PRELID2: variants seen among roughly 807,000 people sequenced by gnomAD.
PRELID2 encodes the protein PRELI domain containing 2, also known as PRELI domain-containing protein 2.
In PRELID2, 25 loss-of-function variants were observed where a neutral mutation model predicts 28.4. That is an observed-to-expected ratio of 0.88 (90% CI 0.64 to 1.23). The LOEUF (loss-of-function observed/expected upper bound fraction) is 1.23. PRELID2 is among the 50% of genes most tolerant of loss of function. The pLI is 0.00. For synonymous variants in PRELID2, 76 were observed against 71.6 expected, an observed-to-expected ratio of 1.06 and a Z score of -0.31; for missense variants, 201 against 214.4, an observed-to-expected ratio of 0.94 and a Z score of 0.39.
the PRELID2 span, among the ~76,000 whole-genome samples, chr5:145,366,470 T>C: frequency 3.3e-5 from 5 of 151,896 alleles, no homozygotes; most frequent in Non-Finnish European, 7.4e-5. Context: ...ATAAGCTAAA[T>C]GACAGTCCAG....
chr5:145,310,682 T>C, the PRELID2 span, among the ~76,000 whole-genome samples: 1 of 152,198 alleles, frequency 6.6e-6, no homozygotes, highest in Non-Finnish European at 1.5e-5. Context: ...ATCTTTTTGG[T>C]ACATATCCTC....
chr5:145,417,421 C>A, the PRELID2 span, among the ~76,000 whole-genome samples: 16 of 152,158 alleles, frequency 1.1e-4, no homozygotes, highest in East Asian at 1.5e-3. Context: ...ATCCTGATAC[C>A]AAAACCTGGC....
intron 1 of PRELID2, among the ~76,000 whole-genome samples, chr5:145,601,448 G>T (rs1425919699): frequency 6.7e-6 from 1 of 149,546 alleles, no homozygotes; most frequent in South Asian, 2.1e-4. Flanking sequence ...ATGAAAGAAC[G>T]AACAGAAAAA....
intron 1 of PRELID2, among the ~76,000 whole-genome samples, chr5:145,608,825 G>A (rs1420629217): frequency 6.6e-6 from 1 of 152,154 alleles, no homozygotes; most frequent in Non-Finnish European, 1.5e-5. Context: ...ATGATATCCT[G>A]AAATATGTTT....
At chr5:145,768,351 T>C (rs1313379567) in intron 5 of PRELID2, among the ~76,000 whole-genome samples, 1 of 152,160 alleles carries the variant, frequency 6.6e-6, no homozygotes, top group Non-Finnish European at 1.5e-5. Flanking sequence ...TTCGTTCTTA[T>C]TCCCTTAACA....
chr5:145,744,049 T>C (rs1455698574), intron 1 of PRELID2, among the ~76,000 whole-genome samples: 1 of 152,208 alleles, frequency 6.6e-6, no homozygotes, highest in African/African-American at 2.4e-5. Flanking sequence ...ACACACCAGC[T>C]GTGGCAGACT....
the PRELID2 span, among the ~76,000 whole-genome samples, chr5:145,261,135 C>A: frequency 6.6e-6 from 1 of 152,142 alleles, no homozygotes; most frequent in South Asian, 2.1e-4. Context: ...GAGAACCACA[C>A]TCCCATCCCC....
intron 1 of PRELID2, among the ~76,000 whole-genome samples, chr5:145,661,897 T>C (rs1754502470): frequency 6.6e-6 from 1 of 151,986 alleles, no homozygotes. Context: ...GCCCTGGAGA[T>C]AATAAACATC....
chr5:145,713,657 T>TAA (rs1755765169), intron 1 of PRELID2, among the ~76,000 whole-genome samples: 4 of 96,428 alleles, frequency 4.1e-5, no homozygotes, highest in South Asian at 3.7e-4. Flanking sequence ...ATATATAAAG[T>TAA]ATATATAGTG....
the PRELID2 span, chr5:145,229,909 C>A: frequency 2.7e-6 from 2 of 749,734 alleles, no homozygotes; most frequent in Non-Finnish European, 2.5e-6. Context: ...GGCTGGGAGT[C>A]CCCACTGTCT....
chr5:145,755,398 T>C (rs182763365), downstream of PRELID2, among the ~76,000 whole-genome samples: 54 of 152,308 alleles, frequency 3.5e-4, no homozygotes, highest in East Asian at 9.5e-3. Flanking sequence ...TTAAAGACAA[T>C]TTTATGAGAT....
the PRELID2 span, chr5:145,441,044 A>C: frequency 6.6e-6 from 1 of 152,104 alleles, no homozygotes; most frequent in Non-Finnish European, 1.5e-5. Flanking sequence ...TGTCATCAGC[A>C]TATGGGAGTC....
the PRELID2 span, among the ~76,000 whole-genome samples, chr5:145,337,392 TA>T: frequency 6.6e-6 from 1 of 151,802 alleles, no homozygotes; most frequent in African/African-American, 2.4e-5. Flanking sequence ...TGGTGTCCTG[TA>T]ATAATTCAGT....
intron 1 of PRELID2, among the ~76,000 whole-genome samples, chr5:145,592,485 C>T (rs952543540): frequency 6.6e-6 from 1 of 152,046 alleles, no homozygotes; most frequent in Non-Finnish European, 1.5e-5. Flanking sequence ...CACACACACA[C>T]ACACACACAT....
the PRELID2 span, among the ~76,000 whole-genome samples, chr5:145,452,858 T>C: frequency 9.9e-3 from 1,515 of 152,264 alleles, 12 homozygotes; most frequent in African/African-American, 0.021. Context: ...ATCAATGCCA[T>C]TGTTTTCCAA....
chr5:145,727,451 C>T (rs1394284741), intron 1 of PRELID2, among the ~76,000 whole-genome samples: 1 of 152,198 alleles, frequency 6.6e-6, no homozygotes, highest in Non-Finnish European at 1.5e-5. Flanking sequence ...GTCAGACATG[C>T]AAGCCCTGCC....
At chr5:145,409,544 T>A in the PRELID2 span, among the ~76,000 whole-genome samples, 2 of 151,080 alleles carry the variant, frequency 1.3e-5, no homozygotes, top group African/African-American at 2.4e-5. Context: ...TCCATGAAAA[T>A]GGAAACAAAA....
intron 1 of PRELID2, among the ~76,000 whole-genome samples, chr5:145,528,507 C>T (rs1160379304): frequency 6.6e-6 from 1 of 151,782 alleles, no homozygotes; most frequent in East Asian, 1.9e-4. Context: ...AGAGCACATA[C>T]ATGCAAAGGG....
Position 145,685,399 on chromosome 5 carries a change from C to T in PRELID2, n.70+79532G>A, listed in dbSNP as rs139947873. Reference sequence around the variant, plus strand: ...TAGGTCTTTGCAAATGTTATTCTTGCTCTCTAGAGCCCAGTTTCTACCCTA... The same window carrying T: ...TAGGTCTTTGCAAATGTTATTCTTGTTCTCTAGAGCCCAGTTTCTACCCTA... On this transcript the variant is annotated intron_variant and non_coding_transcript_variant, in intron 1 of 2. Transcript: ENST00000510259. Among the ~76,000 whole-genome samples the T allele has an allele frequency of 1.5e-3, 224 of 152,288 alleles. 2 individuals carry two copies. Among genetic ancestry groups the T allele is most frequent in the Middle Eastern group, 0.01 (3 of 294 alleles).
Sources: gnomAD v4.1 joint callset for allele counts (sites outside exome capture counted in the v4.1 genomes callset) on GRCh38, gnomAD v4.1.1 for gene constraint, MANE v1.5 for transcripts, NCBI Gene and HGNC (gene_info 2026-07-23, HGNC 2026-07-21) for gene names.